FGF13: variants seen among roughly 807,000 people sequenced by gnomAD.
FGF13 encodes the protein fibroblast growth factor homologous factor 2.
FGF13 carries 2 observed loss-of-function variants against 19.5 expected under a neutral mutation model. That is an observed-to-expected ratio of 0.10 (90% confidence interval 0.04 to 0.32). The LOEUF is 0.32. Among genes scored for constraint, FGF13 ranks in the 10% least tolerant of loss-of-function variants. The pLI is 1.00. For synonymous variants in FGF13, 72 were observed against 76.9 expected, an observed-to-expected ratio of 0.94 and a Z score of 0.33; for missense variants, 113 against 192.7, an observed-to-expected ratio of 0.59 and a Z score of 2.45.
chrX:138,858,018 A>ATATAAG (rs2091268456), intron 2 of FGF13, among the ~76,000 whole-genome samples: 3 of 112,131 alleles, frequency 2.7e-5, no homozygotes, highest in East Asian at 5.6e-4. Context: ...ATTGAGTACA[A>ATATAAG]TATAAGTATT....
In FGF13 at chrX:139,062,645, G is replaced by T. The variant is rs775849718; in HGVS notation, c.-113+140771C>A. Among the ~76,000 whole-genome samples, 4 of 111,721 alleles carry T rather than the reference G, an allele frequency of 3.6e-5. No homozygotes were observed. In the East Asian group the frequency reaches 1.1e-3, roughly 31 times the overall value. On this transcript the variant is annotated intron_variant, in intron 1 of 2. Coordinates refer to the FGF13 transcript ENST00000421460. ...TCTGTAAATCATCTTAGGTAGCATG[G>T]ACCTTTTAATATTAATTCTTCTAGT... is the stretch of plus-strand genomic sequence containing the variant.
At chrX:138,892,489 C>T (rs1248748420) in intron 1 of FGF13, among the ~76,000 whole-genome samples, 2 of 111,884 alleles carry the variant, frequency 1.8e-5, no homozygotes, top group African/African-American at 6.5e-5. Context: ...AAGTAATATA[C>T]AGACAAGATC....
chrX:139,144,408 G>A (rs2083870616), intron 1 of FGF13, among the ~76,000 whole-genome samples: 1 of 111,792 alleles, frequency 8.9e-6, no homozygotes, highest in Non-Finnish European at 1.9e-5. Flanking sequence ...CACATCCTAT[G>A]AGAAACAAAG....
intron 1 of FGF13, among the ~76,000 whole-genome samples, chrX:138,968,259 GC>G (rs886275908): frequency 5.4e-5 from 6 of 111,947 alleles, no homozygotes; most frequent in African/African-American, 1.9e-4. Flanking sequence ...AAACCAAACC[GC>G]AAAGGGAAAT....
intron 1 of FGF13, among the ~76,000 whole-genome samples, chrX:139,028,225 A>G (rs902860815): frequency 8.9e-6 from 1 of 111,846 alleles, no homozygotes; most frequent in African/African-American, 3.2e-5. Context: ...CATATTTTTT[A>G]GTATTTGTAT....
chrX:139,198,190 A>C (rs764113494), intron 1 of FGF13, among the ~76,000 whole-genome samples: 4 of 110,840 alleles, frequency 3.6e-5, no homozygotes, highest in Non-Finnish European at 7.5e-5. Context: ...ATGTTACTAC[A>C]GGTAAATTTC....
intron 1 of FGF13, among the ~76,000 whole-genome samples, chrX:138,900,321 C>G (rs1049296386): frequency 9.9e-5 from 11 of 110,793 alleles, no homozygotes; most frequent in African/African-American, 3.6e-4. Flanking sequence ...ATCCCTCCAT[C>G]CCTCAAAACT....
At chrX:138,991,653 T>C (rs781677410) in intron 1 of FGF13, among the ~76,000 whole-genome samples, 3 of 112,095 alleles carry the variant, frequency 2.7e-5, no homozygotes, top group Non-Finnish European at 3.8e-5. Context: ...ATGGCTGGCA[T>C]TTTGACACTC....
chrX:139,180,656 C>G (rs1475538066), intron 1 of FGF13, among the ~76,000 whole-genome samples: 1 of 111,155 alleles, frequency 9.0e-6, no homozygotes, highest in African/African-American at 3.3e-5. Flanking sequence ...GTACACACAA[C>G]TGAAGATGGA....
At chrX:138,743,369 C>T (rs143596182), upstream of FGF13, among the ~76,000 whole-genome samples, 2,163 of 111,372 alleles carry the variant, frequency 0.019, 35 homozygotes, top group African/African-American at 0.067. Context: ...TCAGTGGTTG[C>T]CAGGGGTTGG....
chrX:138,875,832 T>TTC (rs2091385808), intron 1 of FGF13, among the ~76,000 whole-genome samples: 1 of 111,651 alleles, frequency 9.0e-6, no homozygotes, highest in Non-Finnish European at 1.9e-5. Context: ...TGGACTAGAA[T>TTC]TACATCATCA....
At chrX:138,837,006 G>C (rs535790183) in intron 3 of FGF13, among the ~76,000 whole-genome samples, 1 of 111,225 alleles carries the variant, frequency 9.0e-6, no homozygotes, top group South Asian at 3.8e-4. Flanking sequence ...ACCAGTGAAG[G>C]CTGTGAAACA....
intron 1 of FGF13, among the ~76,000 whole-genome samples, chrX:138,880,214 C>T (rs146571852): frequency 0.14 from 15,184 of 111,484 alleles, 957 homozygotes; most frequent in Non-Finnish European, 0.2. Context: ...GAAATAGGAA[C>T]GCTTTTACAC....
intron 1 of FGF13, among the ~76,000 whole-genome samples, chrX:138,880,087 T>C (rs1385671750): frequency 8.9e-6 from 1 of 112,204 alleles, no homozygotes; most frequent in African/African-American, 3.2e-5. Context: ...AAAAAGCTCA[T>C]CATCACTGGT....
intron 3 of FGF13, among the ~76,000 whole-genome samples, chrX:138,643,509 T>C (rs1284650515): frequency 1.8e-5 from 2 of 112,206 alleles, no homozygotes; most frequent in Non-Finnish European, 3.8e-5. Flanking sequence ...AGGCCATATG[T>C]CTTCAAGACT....
chrX:138,680,367 GA>G (rs1348355929), intron 3 of FGF13, among the ~76,000 whole-genome samples: 1 of 112,010 alleles, frequency 8.9e-6, no homozygotes, highest in East Asian at 2.8e-4. Flanking sequence ...TCCATCAGAA[GA>G]ATCACTATCT....
Position 139,047,578 on chromosome X carries a change from G to A in FGF13, c.-113+155838C>T, listed in dbSNP as rs764352252. On this transcript the variant is annotated intron_variant, in intron 1 of 2. Transcript: ENST00000421460. ...CAATACATCTCCAGAAAATATGCTA[G>A]CTTTGCCACTTTTGGACTGCATGAC... Among the ~76,000 whole-genome samples the A allele has an allele frequency of 2.7e-5, 3 of 111,376 alleles. No homozygotes were observed. The South Asian group carries it at 1.1e-3, about 41-fold the overall frequency.
intron 1 of FGF13, among the ~76,000 whole-genome samples, chrX:139,034,870 T>C (rs1342058092): frequency 1.8e-5 from 2 of 112,127 alleles, no homozygotes; most frequent in Non-Finnish European, 3.8e-5. Flanking sequence ...TAATTCTTCA[T>C]TTTTTATTAA....
At chrX:139,035,168 G>A (rs928138772) in intron 1 of FGF13, among the ~76,000 whole-genome samples, 7 of 111,196 alleles carry the variant, frequency 6.3e-5, no homozygotes, top group African/African-American at 2.3e-4. Flanking sequence ...AAGAAATTAG[G>A]AGGAAGAGTA....
Sources: gnomAD v4.1 joint callset for allele counts (sites outside exome capture counted in the v4.1 genomes callset) on GRCh38, gnomAD v4.1.1 for gene constraint, MANE v1.5 for transcripts, NCBI Gene and HGNC (gene_info 2026-07-23, HGNC 2026-07-21) for gene names.